The following POTEF variants were observed in gnomAD, a reference collection of about 807,000 sequenced individuals.
The protein encoded by POTEF is POTE ankyrin domain family member F, also known as ANKRD26-like family C member 1B.
A neutral mutation model predicts 83.2 loss-of-function variants in POTEF; 20 were observed. That is an observed-to-expected ratio of 0.24 (90% CI 0.17 to 0.35). The LOEUF is 0.35. Among genes scored for constraint, POTEF ranks in the 10% least tolerant of loss-of-function variants. The pLI is 1.00. For missense variants in POTEF, 550 were observed against 1,203.2 expected, an observed-to-expected ratio of 0.46 and a Z score of 8.03; for synonymous variants, 196 against 446.4, an observed-to-expected ratio of 0.44 and a Z score of 7.07.
At position 130,127,746 on chromosome 2, in the gene POTEF, G is replaced by A. The variant is rs1368418205; in HGVS notation, c.-131C>T. On this transcript the variant is annotated 5_prime_UTR_variant, in exon 2 of 17. Coordinates refer to ENST00000409914, the MANE Select transcript of POTEF (RefSeq NM_001099771.2). ...GCTGCAGTCTCCGTGGCTGCCATCA[G>A]TCACACGAGGCGAGCTGCAGAGTCA... The A allele has an allele frequency of 6.6e-6, 1 of 151,694 alleles. No homozygotes were observed. The highest frequency in any genetic ancestry group is 2.4e-5 in the African/African-American group (1 of 40,856). The allele number at this position is 151,694 out of a possible 1,614,324, so 9.4% of individuals were successfully genotyped here.
At chr2:130,125,675 G>T (rs1470735550) in intron 2 of POTEF, among the ~76,000 whole-genome samples, 1 of 152,040 alleles carries the variant, frequency 6.6e-6, no homozygotes, top group African/African-American at 2.4e-5. Context: ...GCTGACCGAG[G>T]TGGGTGGATC....
At chr2:130,087,631 A>ATT (rs1317459046) in intron 13 of POTEF, among the ~76,000 whole-genome samples, 1 of 139,244 alleles carries the variant, frequency 7.2e-6, no homozygotes, top group Non-Finnish European at 1.5e-5. Flanking sequence ...AATCTATTAA[A>ATT]ATTTTTTTTT....
intron 2 of POTEF, among the ~76,000 whole-genome samples, chr2:130,121,977 C>T (rs1685011574): frequency 6.6e-6 from 1 of 151,636 alleles, no homozygotes. Flanking sequence ...CTTTAAACCT[C>T]TCCCAGCCCT....
At chr2:130,121,109 GGC>G (rs1684992145) in intron 2 of POTEF, among the ~76,000 whole-genome samples, 1 of 151,740 alleles carries the variant, frequency 6.6e-6, no homozygotes, top group Admixed American at 6.6e-5. Context: ...GCTGCTGCCG[GGC>G]GTGTGCGCGC....
intron 2 of POTEF, among the ~76,000 whole-genome samples, chr2:130,121,365 T>C (rs1433936769): frequency 2.8e-5 from 4 of 145,368 alleles, no homozygotes; most frequent in Admixed American, 2.0e-4. Context: ...TTGAGGATGC[T>C]GACAGCCTCC....
At position 130,074,993 on chromosome 2, in the gene POTEF, A is replaced by T. The variant is rs757806593; in HGVS notation, c.2479T>A (p.Phe827Ile). 1 of 1,612,988 alleles carries T rather than the reference A, an allele frequency of 6.2e-7. No individual in the cohort carries two copies. The highest frequency in any genetic ancestry group is 8.5e-7 in the Non-Finnish European group (1 of 1,179,826). The stretch of plus-strand genomic sequence containing the variant: ...GCCACGTACATGGCTGGGGTGTTGA[A>T]GGTCTCAAACATGATCTGGGTCATC... ...EKMTQIMFET[F>I]NTPAMYVAIQ... Residue 827 changes from phenylalanine (F) to isoleucine (I), a missense_variant, in exon 17 of 17, where the codon TTC becomes ATC. By Grantham distance (21) the Phe-to-Ile change is conservative. Transcript: ENST00000409914.
intron 15 of POTEF, among the ~76,000 whole-genome samples, chr2:130,083,451 A>G (rs1683947001): frequency 6.8e-6 from 1 of 147,674 alleles, no homozygotes; most frequent in South Asian, 2.2e-4. Flanking sequence ...ACGGACTAGA[A>G]AGGCAGGAGG....
chr2:130,128,568 C>G (rs1207806360), intron 1 of POTEF, among the ~76,000 whole-genome samples: 1 of 141,818 alleles, frequency 7.1e-6, no homozygotes, highest in Non-Finnish European at 1.5e-5. Context: ...ACCACCCCCT[C>G]CACAGGCAGT....
chr2:130,128,526 T>G (rs61608397), intron 1 of POTEF, among the ~76,000 whole-genome samples: 2 of 95,744 alleles, frequency 2.1e-5, no homozygotes, highest in African/African-American at 3.7e-5. Flanking sequence ...CCTGTGCCAG[T>G]TGCAGGCAGT....
chr2:130,114,916 G>A lies in POTEF; in HGVS notation c.775C>T (p.Leu259Phe). 6.7e-7 allele frequency: 1 copy of A among 1,495,998 alleles called. No homozygotes were observed. Among genetic ancestry groups the A allele is most frequent in the South Asian group, 1.3e-5 (1 of 76,932 alleles). 92.7% of individuals were successfully genotyped at this position (1,495,998 alleles called of 1,614,324 possible). The change falls in exon 5 of 17, where the codon CTC becomes TTC. Residue 259 changes from leucine to phenylalanine, a missense_variant. Transcript: ENST00000409914. Reference protein sequence around the residue: ...NEDKLMAKALLLYGADIESKN... With the variant: ...NEDKLMAKALFLYGADIESKN... ...GATTCGATATCAGCACCATATAAGA[G>A]CAGTGCTTTGGCCATTAATTTATCT...
chr2:130,085,583 A>G (rs1226491941), intron 15 of POTEF, among the ~76,000 whole-genome samples: 1 of 79,250 alleles, frequency 1.3e-5, no homozygotes. Context: ...CTGAAAAGAG[A>G]AGAAAATGTC....
chr2:130,111,619 T>C (rs1258513233), intron 6 of POTEF, among the ~76,000 whole-genome samples: 1 of 151,354 alleles, frequency 6.6e-6, no homozygotes, highest in East Asian at 1.9e-4. Context: ...GCATATTTAA[T>C]GGAAAAGCAT....
Position 130,075,398 on chromosome 2 carries a change from T to A in POTEF, c.2074A>T (p.Lys692Ter). ...GTGAGCTCATTCAATTGTAGAGCCT[T>A]TAAAAGATTATCATTCCTTTTTTTC... ...SVKKRNDNLL[K>*]ALQLNELTMD... The change falls in exon 17 of 17, where the codon AAG becomes TAG. Residue 692 changes from lysine to a stop codon, truncating the protein, a stop_gained. Transcript: ENST00000409914. LOFTEE classifies it high-confidence loss of function. 6.2e-7 allele frequency: 1 copy of A among 1,611,728 alleles called. No homozygotes were observed. The highest frequency in any genetic ancestry group is 8.5e-7 in the Non-Finnish European group (1 of 1,179,740).
chr2:130,116,935 G>A lies in POTEF; in HGVS notation c.522-1607C>T, dbSNP rs1476243677. On this transcript the variant is annotated intron_variant, in intron 3 of 16. Transcript: ENST00000409914. ...TTGCTCAAGCCCAGCAGATAAACAT[G>A]AAGTTTTCAAAGGTGGAAGGATCCT... Among the ~76,000 whole-genome samples, 4 of 107,062 alleles carry A rather than the reference G, an allele frequency of 3.7e-5. No individual in the cohort carries two copies. The South Asian group carries it at 1.1e-3, about 31-fold the overall frequency. 70.2% of individuals were successfully genotyped at this position (107,062 alleles called of 152,430 possible).
intron 7 of POTEF, chr2:130,109,424 C>A (rs1346129253): frequency 1.4e-5 from 2 of 143,472 alleles, no homozygotes; most frequent in Admixed American, 7.1e-5. Flanking sequence ...TTCCTGTGAG[C>A]TAGAGTTTGA....
At chr2:130,127,323 T>C (rs1271896228) in intron 2 of POTEF, among the ~76,000 whole-genome samples, 1 of 7,132 alleles carries the variant, frequency 1.4e-4, no homozygotes, top group Non-Finnish European at 2.2e-4. Context: ...AGACTCTGTC[T>C]CAAAAAAAAA....
In POTEF at chr2:130,087,632, A is replaced by T. The variant is rs1343843928; in HGVS notation, c.1551+435T>A. Among the ~76,000 whole-genome samples the T allele has an allele frequency of 5.7e-3, 587 of 103,780 alleles. 2 individuals are homozygous for T. Among genetic ancestry groups the T allele is most frequent in the Non-Finnish European group, 7.3e-3 (363 of 49,462 alleles). 68.1% of individuals were successfully genotyped at this position (103,780 alleles called of 152,430 possible). ...CAATAAATTTTAAGAATCTATTAAAATTTTTTTTTTTTTTTTTTTCACATG... is the reference window on the plus strand; with the variant it reads ...CAATAAATTTTAAGAATCTATTAAATTTTTTTTTTTTTTTTTTTTCACATG... On this transcript the variant is annotated intron_variant, in intron 13 of 16. Transcript: ENST00000409914.
At chr2:130,121,429 CT>C (rs1685001427) in intron 2 of POTEF, among the ~76,000 whole-genome samples, 1 of 124,464 alleles carries the variant, frequency 8.0e-6, no homozygotes, top group South Asian at 3.0e-4. Context: ...ATGGCAGCAG[CT>C]GCAGCTGGGA....
rs1172579159 is a variant in POTEF, at chr2:130,113,494, T to G, written c.810+1387A>C. Among the ~76,000 whole-genome samples the G allele has an allele frequency of 2.4e-5, 3 of 124,656 alleles. No individual in the cohort carries two copies. The Admixed American group carries it at 2.8e-4, about 12-fold the overall frequency. 81.8% of individuals were successfully genotyped at this position (124,656 alleles called of 152,430 possible). A position where few individuals can be genotyped will look rare whatever the true frequency, so the allele number is the denominator to read the frequency against. ...ATTGAGTGGTTCTTAAGCAGGAGTGTATCCAGATTTTGAGAAAATTGTTGT... is the reference window on the plus strand; with the variant it reads ...ATTGAGTGGTTCTTAAGCAGGAGTGGATCCAGATTTTGAGAAAATTGTTGT... On this transcript the variant is annotated intron_variant, in intron 5 of 16. Coordinates refer to ENST00000409914, the MANE Select transcript of POTEF (RefSeq NM_001099771.2).
Sources: gnomAD v4.1 joint callset for allele counts (sites outside exome capture counted in the v4.1 genomes callset) on GRCh38, gnomAD v4.1.1 for gene constraint, MANE v1.5 for transcripts, NCBI Gene and HGNC (gene_info 2026-07-23, HGNC 2026-07-21) for gene names.